GHR: variants seen among roughly 807,000 people sequenced by gnomAD.
The protein encoded by GHR is GH receptor.
A neutral mutation model predicts 67.1 loss-of-function variants in GHR; 35 were observed. The observed-to-expected ratio is 0.52, with a 90% CI of 0.40 to 0.69. The LOEUF (loss-of-function observed/expected upper bound fraction) is 0.69. Among genes scored for constraint, GHR ranks in the 30% least tolerant of loss-of-function variants. The pLI is 0.00. For synonymous variants in GHR, 272 were observed against 269.1 expected, an observed-to-expected ratio of 1.01 and a Z score of -0.10; for missense variants, 792 against 764.6, an observed-to-expected ratio of 1.04 and a Z score of -0.42.
intron 1 of GHR, among the ~76,000 whole-genome samples, chr5:42,494,362 A>G (rs1274494294): frequency 6.6e-6 from 1 of 152,076 alleles, no homozygotes; most frequent in African/African-American, 2.4e-5. Context: ...TTAAGAAGTA[A>G]TGAAGTCCTA....
chr5:42,661,286 C>T (rs1262783617), intron 3 of GHR, among the ~76,000 whole-genome samples: 1 of 152,108 alleles, frequency 6.6e-6, no homozygotes, highest in Admixed American at 6.6e-5. Flanking sequence ...AAGAGCAGCT[C>T]CAAGACACAT....
chr5:42,509,522 T>A (rs1165121116), intron 1 of GHR, among the ~76,000 whole-genome samples: 1 of 152,232 alleles, frequency 6.6e-6, no homozygotes, highest in Admixed American at 6.5e-5. Flanking sequence ...AGTGACCATA[T>A]GGTTTGCCTT....
At chr5:42,523,227 A>G (rs1747552027) in intron 1 of GHR, among the ~76,000 whole-genome samples, 1 of 152,228 alleles carries the variant, frequency 6.6e-6, no homozygotes, top group African/African-American at 2.4e-5. Flanking sequence ...AACAATATCT[A>G]AGGATGTTGC....
chr5:42,718,181 C>A, intron 9 of GHR, 60 bp downstream of exon 9: 2 of 895,236 alleles, frequency 2.2e-6, no homozygotes, highest in South Asian at 2.7e-5. Flanking sequence ...AGACTCCTGT[C>A]ATATGTTGAA....
At chr5:42,480,687 T>C (rs1037928421) in intron 1 of GHR, among the ~76,000 whole-genome samples, 4 of 152,240 alleles carry the variant, frequency 2.6e-5, no homozygotes, top group Non-Finnish European at 5.9e-5. Context: ...AAAGTCTGTT[T>C]TATCAGAGAC....
At chr5:42,551,766 C>A (rs1375580356) in intron 1 of GHR, among the ~76,000 whole-genome samples, 1 of 152,160 alleles carries the variant, frequency 6.6e-6, no homozygotes, top group Non-Finnish European at 1.5e-5. Flanking sequence ...ATGTCTGAAG[C>A]ACATGTCCTT....
intron 6 of GHR, among the ~76,000 whole-genome samples, chr5:42,704,749 G>C (rs1182546393): frequency 6.6e-6 from 1 of 151,900 alleles, no homozygotes; most frequent in Non-Finnish European, 1.5e-5. Context: ...ATTTCTTCAA[G>C]AAAGTCTTAG....
intron 1 of GHR, among the ~76,000 whole-genome samples, chr5:42,542,506 T>A (rs58641457): frequency 0.016 from 2,469 of 152,270 alleles, 62 homozygotes; most frequent in African/African-American, 0.055. Flanking sequence ...AGTAACTTCA[T>A]GAGCAGTAAC....
intron 2 of GHR, among the ~76,000 whole-genome samples, chr5:42,574,404 T>A (rs576256449): frequency 1.3e-5 from 2 of 152,370 alleles, no homozygotes; most frequent in African/African-American, 4.8e-5. Flanking sequence ...TAGTATTTGC[T>A]CTGAACTTCG....
intron 2 of GHR, among the ~76,000 whole-genome samples, chr5:42,623,576 T>A (rs1753562471): frequency 6.6e-6 from 1 of 152,120 alleles, no homozygotes; most frequent in Non-Finnish European, 1.5e-5. Flanking sequence ...TCCTCCACAT[T>A]ACCCTTTATC....
chr5:42,437,289 C>A (rs745942784), intron 1 of GHR, among the ~76,000 whole-genome samples: 41 of 152,284 alleles, frequency 2.7e-4, no homozygotes, highest in Middle Eastern at 3.4e-3. Flanking sequence ...ATAAAGTTGT[C>A]ATGGTTTTAA....
chr5:42,655,755 C>A (rs1426987148), intron 3 of GHR, among the ~76,000 whole-genome samples: 19 of 151,926 alleles, frequency 1.3e-4, no homozygotes, highest in African/African-American at 4.6e-4. Context: ...TGTCTCATTT[C>A]TGAAAAAAGC....
chr5:42,582,222 G>A (rs1751213566), intron 2 of GHR, among the ~76,000 whole-genome samples: 2 of 152,264 alleles, frequency 1.3e-5, no homozygotes, highest in South Asian at 4.1e-4. Context: ...TGGGCAGAAA[G>A]AGGCCAGTCC....
intron 3 of GHR, among the ~76,000 whole-genome samples, chr5:42,646,829 A>G (rs1414315269): frequency 3.3e-5 from 5 of 152,126 alleles, no homozygotes; most frequent in African/African-American, 1.2e-4. Flanking sequence ...TGCCCACCCT[A>G]GATTTTCAAA....
chr5:42,647,201 G>T (rs1436113196), intron 3 of GHR, among the ~76,000 whole-genome samples: 1 of 152,038 alleles, frequency 6.6e-6, no homozygotes, highest in Non-Finnish European at 1.5e-5. Context: ...AAAGTTTAAG[G>T]CGGAATTGTG....
chr5:42,532,951 A>G (rs1435464428), intron 1 of GHR, among the ~76,000 whole-genome samples: 1 of 152,260 alleles, frequency 6.6e-6, no homozygotes, highest in African/African-American at 2.4e-5. Flanking sequence ...TCTCACATAT[A>G]TATCAGTGTA....
At chr5:42,688,050 CAT>C (rs1409184023) in intron 3 of GHR, among the ~76,000 whole-genome samples, 2 of 152,350 alleles carry the variant, frequency 1.3e-5, no homozygotes, top group Admixed American at 1.3e-4. Context: ...AGAATTAACA[CAT>C]GAGTATGTAT....
At chr5:42,557,778 G>A (rs1579934601) in intron 1 of GHR, among the ~76,000 whole-genome samples, 1 of 152,292 alleles carries the variant, frequency 6.6e-6, no homozygotes, top group African/African-American at 2.4e-5. Flanking sequence ...AACTAAATGT[G>A]ATCAGCTGCC....
rs1352714690 is a variant in GHR, at chr5:42,468,469, C to A, written c.-12+44514C>A. ...TTGCCTACGTGCGCAGCTGAGAGGC[C>A]CGACCAGAGTTCACTGGCTCTGCAG... On this transcript the variant is annotated intron_variant, in intron 1 of 9. Coordinates refer to ENST00000230882, the MANE Select transcript of GHR (RefSeq NM_000163.5). 8 of 820,622 alleles carry A rather than the reference C, an allele frequency of 9.7e-6. No homozygotes were observed. The Middle Eastern group carries it at 1.5e-3, about 156-fold the overall frequency. 50.8% of individuals were successfully genotyped at this position (820,622 alleles called of 1,614,324 possible).
Sources: gnomAD v4.1 joint callset for allele counts (sites outside exome capture counted in the v4.1 genomes callset) on GRCh38, gnomAD v4.1.1 for gene constraint, MANE v1.5 for transcripts, NCBI Gene and HGNC (gene_info 2026-07-23, HGNC 2026-07-21) for gene names.